Variants in PARD3B observed in about 807,000 individuals in gnomAD.
PARD3B encodes partitioning defective 3 homolog B.
Under a neutral mutation model 130.2 loss-of-function variants are expected in PARD3B, and 103 were observed. The observed-to-expected ratio is 0.79, with a 90% CI of 0.67 to 0.93. The LOEUF is 0.93. Ranked by LOEUF, PARD3B falls within the 40% of genes least tolerant of loss-of-function variation. The probability of loss-of-function intolerance (pLI) is 0.00; values close to 1 mark genes in which losing one functional copy is unlikely to be tolerated. For missense variants in PARD3B, 1,609 were observed against 1,499.2 expected, an observed-to-expected ratio of 1.07 and a Z score of -1.21; for synonymous variants, 583 against 553.2, an observed-to-expected ratio of 1.05 and a Z score of -0.76.
At chr2:205,310,719 C>CTTTTTTTTTTTTTTTTTTTTTTTTTTTT (rs34032930) in intron 18 of PARD3B, among the ~76,000 whole-genome samples, 1 of 82,590 alleles carries the variant, frequency 1.2e-5, no homozygotes, top group Non-Finnish European at 2.1e-5. Context: ...TTCTTTCTTT[C>CTTTTTTTTTTTTTTTTTTTTTTTTTTTT]TTTTTTTTTT....
At chr2:205,038,432 T>C (rs532796590) in intron 3 of PARD3B, among the ~76,000 whole-genome samples, 1 of 152,182 alleles carries the variant, frequency 6.6e-6, no homozygotes, top group Non-Finnish European at 1.5e-5. Context: ...ATCTGAGACC[T>C]GGCATTAACT....
chr2:204,711,034 A>G (rs2038407765), intron 2 of PARD3B, among the ~76,000 whole-genome samples: 1 of 152,190 alleles, frequency 6.6e-6, no homozygotes, highest in Non-Finnish European at 1.5e-5. Context: ...TCATTTCTCT[A>G]AATTTTTAAA....
At chr2:205,307,539 C>A (rs1215628552) in intron 18 of PARD3B, among the ~76,000 whole-genome samples, 2 of 152,158 alleles carry the variant, frequency 1.3e-5, no homozygotes, top group Admixed American at 6.5e-5. Flanking sequence ...TGCAGAAAGA[C>A]TGTTCATGCC....
intron 2 of PARD3B, among the ~76,000 whole-genome samples, chr2:204,842,816 A>G (rs993513022): frequency 6.6e-6 from 1 of 152,064 alleles, no homozygotes; most frequent in South Asian, 2.1e-4. Context: ...CTTTCTCTAG[A>G]GCTGAGTCAC....
chr2:205,615,249 A>G (rs562358876), intron 22 of PARD3B, among the ~76,000 whole-genome samples: 1 of 152,060 alleles, frequency 6.6e-6, no homozygotes, highest in Admixed American at 6.5e-5. Flanking sequence ...GTGGCCTAAG[A>G]TGGTTTTTCT....
chr2:205,502,187 C>T (rs1314315406), intron 21 of PARD3B, among the ~76,000 whole-genome samples: 1 of 152,150 alleles, frequency 6.6e-6, no homozygotes, highest in Non-Finnish European at 1.5e-5. Context: ...TCAGCGTAGG[C>T]CTGAGAAATT....
intron 1 of PARD3B, among the ~76,000 whole-genome samples, chr2:204,578,260 A>T (rs1264773416): frequency 6.6e-6 from 1 of 152,204 alleles, no homozygotes; most frequent in African/African-American, 2.4e-5. Flanking sequence ...TACTAAACTT[A>T]CATAGGGAGC....
At chr2:205,549,169 C>T (rs937288577) in intron 21 of PARD3B, among the ~76,000 whole-genome samples, 2 of 152,118 alleles carry the variant, frequency 1.3e-5, no homozygotes, top group African/African-American at 4.8e-5. Flanking sequence ...ACCAGGAACT[C>T]TCATTTGTTG....
At chr2:204,859,726 G>A (rs1292691765) in intron 2 of PARD3B, among the ~76,000 whole-genome samples, 1 of 152,162 alleles carries the variant, frequency 6.6e-6, no homozygotes, top group Non-Finnish European at 1.5e-5. Context: ...GCTGGGCAGT[G>A]ATGGAGACGT....
chr2:204,568,254 A>G (rs569822370), intron 1 of PARD3B, among the ~76,000 whole-genome samples: 1 of 152,334 alleles, frequency 6.6e-6, no homozygotes, highest in African/African-American at 2.4e-5. Flanking sequence ...TGGATAAATA[A>G]TGATTTCTTT....
Position 205,429,211 on chromosome 2 carries a change from C to T in PARD3B, c.2742-11159C>T, listed in dbSNP as rs371540301. On this transcript the variant is annotated intron_variant, in intron 19 of 22. Transcript: ENST00000406610. The stretch of plus-strand genomic sequence containing the variant: ...AACCATAAGTTTATAATTATGTTCA[C>T]AATCCCGTATTCCCCCAAAAATGTT... 4.6e-5 allele frequency among the ~76,000 whole-genome samples: 7 copies of T among 152,328 alleles called. 1 individual carries two copies. The South Asian group carries it at 1.4e-3, about 32-fold the overall frequency.
chr2:205,423,988 T>C (rs1336911051), intron 19 of PARD3B, among the ~76,000 whole-genome samples: 3 of 152,110 alleles, frequency 2.0e-5, no homozygotes. Context: ...GGTACTAGGC[T>C]TCATACCTGG....
In PARD3B at chr2:205,194,259, CACTT is replaced by C. The variant is rs561444427; in HGVS notation, c.2140+942_2140+945del. Among the ~76,000 whole-genome samples, 41 of 152,256 alleles carry C rather than the reference CACTT, an allele frequency of 2.7e-4. No individual in the cohort carries two copies. The East Asian group carries it at 6.4e-3, about 24-fold the overall frequency. On this transcript the variant is annotated intron_variant, in intron 15 of 22. Transcript: ENST00000406610. ...TGATAAATAGTGCTTTTCTGTTACT[CACTT>C]ACAGGAGTTCAGAAAAATGTTCAGT...
chr2:205,597,721 G>A lies in PARD3B; in HGVS notation c.3261-17735G>A, dbSNP rs1575451225. 1.3e-5 allele frequency among the ~76,000 whole-genome samples: 2 copies of A among 152,276 alleles called. 1 individual carries two copies. The highest frequency in any genetic ancestry group is 4.8e-5 in the African/African-American group (2 of 41,562). On this transcript the variant is annotated intron_variant, in intron 22 of 22. Coordinates refer to ENST00000406610, the MANE Select transcript of PARD3B (RefSeq NM_001302769.2). ...CTTTATAACAAAAGCCATTCTGACT[G>A]TGTGAGTTAAGGGACAGGTCACTTG...
chr2:204,696,957 C>T (rs2037638851), intron 2 of PARD3B, among the ~76,000 whole-genome samples: 1 of 152,002 alleles, frequency 6.6e-6, no homozygotes, highest in Non-Finnish European at 1.5e-5. Context: ...TAATCTCAAC[C>T]AAAACCATGT....
chr2:204,808,198 T>A (rs1208099388), intron 2 of PARD3B, among the ~76,000 whole-genome samples: 1 of 152,174 alleles, frequency 6.6e-6, no homozygotes, highest in Non-Finnish European at 1.5e-5. Context: ...GTTGCATTTC[T>A]ATTCTTTTTT....
At chr2:205,597,881 T>C (rs2054627869) in intron 22 of PARD3B, among the ~76,000 whole-genome samples, 1 of 152,142 alleles carries the variant, frequency 6.6e-6, no homozygotes, top group Non-Finnish European at 1.5e-5. Flanking sequence ...CCTGCCAAAC[T>C]AAGCTTCTAA....
chr2:205,364,945 T>A (rs1383428224), intron 18 of PARD3B, among the ~76,000 whole-genome samples: 3 of 152,156 alleles, frequency 2.0e-5, no homozygotes, highest in African/African-American at 7.2e-5. Flanking sequence ...CTCACGCCTG[T>A]AATCCCAGCA....
At position 205,288,741 on chromosome 2, in the gene PARD3B, C is replaced by T. The variant is rs145455656; in HGVS notation, c.2186-11789C>T. Reference sequence around the variant, plus strand: ...TGGACTTTTCCTCATGCCTTTTCCTCTAAGTGGTGTGCCTGTCCACCTCCT... The same window carrying T: ...TGGACTTTTCCTCATGCCTTTTCCTTTAAGTGGTGTGCCTGTCCACCTCCT... On this transcript the variant is annotated intron_variant, in intron 16 of 22. Coordinates refer to ENST00000406610, the MANE Select transcript of PARD3B (RefSeq NM_001302769.2). The surrounding 1 kb of genome is among the most constrained non-coding windows in gnomAD (Gnocchi z 4.0). Among the ~76,000 whole-genome samples the T allele has an allele frequency of 1.3e-5, 2 of 152,306 alleles. No individual in the cohort carries two copies. The highest frequency in any genetic ancestry group is 3.9e-4 in the East Asian group (2 of 5,178).
Sources: allele counts gnomAD v4.1 joint callset (sites outside exome capture counted in the v4.1 genomes callset), GRCh38; gene constraint gnomAD v4.1.1; non-coding constraint Gnocchi (gnomAD v3.1); transcripts MANE v1.5; gene names NCBI Gene and HGNC (gene_info 2026-07-23, HGNC 2026-07-21).